FRMPD1: variants seen among roughly 807,000 people sequenced by gnomAD.
FRMPD1 encodes FERM and PDZ domain-containing protein 1.
A neutral mutation model predicts 117.8 loss-of-function variants in FRMPD1; 76 were observed. That is an observed-to-expected ratio of 0.65 (90% confidence interval 0.54 to 0.78). FRMPD1 has a LOEUF of 0.78. Ranked by LOEUF, FRMPD1 falls within the 30% of genes least tolerant of loss-of-function variation. The pLI is 0.00. For synonymous variants in FRMPD1, 783 were observed against 770.4 expected, an observed-to-expected ratio of 1.02 and a Z score of -0.27; for missense variants, 1,786 against 1,964.5, an observed-to-expected ratio of 0.91 and a Z score of 1.72.
the FRMPD1 span, among the ~76,000 whole-genome samples, chr9:37,640,833 G>A: frequency 3.3e-5 from 5 of 152,194 alleles, no homozygotes; most frequent in Non-Finnish European, 7.3e-5. Flanking sequence ...AACACATAAT[G>A]TCTTCAGTGG....
At chr9:37,607,869 C>T in the FRMPD1 span, among the ~76,000 whole-genome samples, 1 of 152,162 alleles carries the variant, frequency 6.6e-6, no homozygotes, top group Non-Finnish European at 1.5e-5. Flanking sequence ...TTCTACTTCC[C>T]CAACATAAAA....
chr9:37,717,207 T>G (rs1823155875), intron 5 of FRMPD1, among the ~76,000 whole-genome samples: 1 of 152,066 alleles, frequency 6.6e-6, no homozygotes, highest in Non-Finnish European at 1.5e-5. Flanking sequence ...TGATTGGCTC[T>G]GACTTGTTCT....
At chr9:37,626,867 G>T in the FRMPD1 span, among the ~76,000 whole-genome samples, 57 of 152,112 alleles carry the variant, frequency 3.7e-4, no homozygotes, top group Non-Finnish European at 5.9e-5. Flanking sequence ...GTGGGGCCAT[G>T]AAATATCTTT....
chr9:37,663,431 T>C (rs1272772516), intron 1 of FRMPD1, among the ~76,000 whole-genome samples: 1 of 152,176 alleles, frequency 6.6e-6, no homozygotes, highest in Non-Finnish European at 1.5e-5. Flanking sequence ...AGGCTTGAGC[T>C]AACTTTTCAG....
At chr9:37,735,851 A>C (rs1824096638) in intron 13 of FRMPD1, 117 bp downstream of exon 13, 2 of 685,810 alleles carry the variant, frequency 2.9e-6, no homozygotes, top group Non-Finnish European at 2.4e-6. Flanking sequence ...ATATCTGCTT[A>C]AGAGGACGAA....
At chr9:37,737,340 G>A (rs1377398770) in intron 14 of FRMPD1, 97 bp downstream of exon 14, 13 of 1,078,182 alleles carry the variant, frequency 1.2e-5, no homozygotes, top group Non-Finnish European at 1.7e-5. Context: ...GAATTGAGCC[G>A]AGGCTTCAGC....
chr9:37,615,979 G>GT, the FRMPD1 span, among the ~76,000 whole-genome samples: 17 of 151,706 alleles, frequency 1.1e-4, no homozygotes, highest in East Asian at 3.1e-3. Context: ...TGCCCAGCTT[G>GT]TTTTTTTGTG....
At chr9:37,709,184 C>G (rs1038599554) in intron 4 of FRMPD1, among the ~76,000 whole-genome samples, 1 of 151,914 alleles carries the variant, frequency 6.6e-6, no homozygotes, top group South Asian at 2.1e-4. Context: ...GCACATGAAG[C>G]TTTGGCTTTT....
chr9:37,680,772 A>G (rs1223109781), intron 1 of FRMPD1, among the ~76,000 whole-genome samples: 1 of 152,138 alleles, frequency 6.6e-6, no homozygotes, highest in Non-Finnish European at 1.5e-5. Flanking sequence ...TCCATGATAA[A>G]CCGCCTTTCA....
chr9:37,662,229 A>G lies in FRMPD1; in HGVS notation c.-5+11135A>G, dbSNP rs138501705. On this transcript the variant is annotated intron_variant, in intron 1 of 15. Coordinates refer to ENST00000377765, the MANE Select transcript of FRMPD1 (RefSeq NM_014907.3). ...GCAAGAGGAGTGAACCCAATCGCAC[A>G]ATAATAAACCCACTCCTGCAATAAC... 3.3e-3 allele frequency among the ~76,000 whole-genome samples: 508 copies of G among 152,300 alleles called. 7 individuals carry two copies. Among genetic ancestry groups the G allele is most frequent in the African/African-American group, 0.012 (486 of 41,544 alleles).
chr9:37,675,319 G>C (rs1191352302), intron 1 of FRMPD1, among the ~76,000 whole-genome samples: 1 of 152,014 alleles, frequency 6.6e-6, no homozygotes, highest in African/African-American at 2.4e-5. Flanking sequence ...TACTCGGGTG[G>C]CTGAGGCACA....
chr9:37,720,861 T>C (rs1231837133), intron 6 of FRMPD1, among the ~76,000 whole-genome samples: 2 of 152,242 alleles, frequency 1.3e-5, no homozygotes, highest in African/African-American at 4.8e-5. Flanking sequence ...CGCTTCAGCC[T>C]GGCGACAGAG....
At chr9:37,622,244 A>G in the FRMPD1 span, among the ~76,000 whole-genome samples, 4 of 152,188 alleles carry the variant, frequency 2.6e-5, no homozygotes, top group African/African-American at 9.6e-5. Flanking sequence ...GAGACGGTGA[A>G]TGTGAATGCA....
chr9:37,655,178 C>T (rs1346923061), intron 1 of FRMPD1, among the ~76,000 whole-genome samples: 1 of 152,210 alleles, frequency 6.6e-6, no homozygotes, highest in East Asian at 1.9e-4. Context: ...GTGCCTTCTC[C>T]CTTGTTCCCT....
rs146184892 is a variant in FRMPD1 at position 37,654,353 on chromosome 9, G to T, written c.-5+3259G>T. On this transcript the variant is annotated intron_variant, in intron 1 of 15. Transcript: ENST00000377765. Reference sequence around the variant, plus strand: ...CCACAGGAGAGAGGGAGCCAGTCTTGCCTGGAGCTGGGTGAGGGTCAGTGC... The same window carrying T: ...CCACAGGAGAGAGGGAGCCAGTCTTTCCTGGAGCTGGGTGAGGGTCAGTGC... 2.0e-5 allele frequency among the ~76,000 whole-genome samples: 3 copies of T among 152,212 alleles called. No homozygotes were observed. In the South Asian group the frequency reaches 6.2e-4, roughly 32 times the overall value.
In FRMPD1 at chr9:37,660,433, G is replaced by T. The variant is rs566800903; in HGVS notation, c.-5+9339G>T. ...TTGACCTCAGGTGGCCCCCTTCCTGGTCATCATCCGATGGAGCTGCACTGG... is the reference window on the plus strand; with the variant it reads ...TTGACCTCAGGTGGCCCCCTTCCTGTTCATCATCCGATGGAGCTGCACTGG... On this transcript the variant is annotated intron_variant, in intron 1 of 15. Transcript: ENST00000377765. 5.3e-5 allele frequency among the ~76,000 whole-genome samples: 8 copies of T among 152,244 alleles called. No homozygotes were observed. The South Asian group carries it at 1.7e-3, about 32-fold the overall frequency.
chr9:37,744,340 C>T, intron 15 of FRMPD1, 49 bp from the exon 16 acceptor site: 1 of 1,404,966 alleles, frequency 7.1e-7, no homozygotes, highest in Non-Finnish European at 9.7e-7. Context: ...GCTCTATTAA[C>T]CTCTTTTTTT....
At chr9:37,670,577 T>C (rs1346735605) in intron 1 of FRMPD1, among the ~76,000 whole-genome samples, 1 of 152,188 alleles carries the variant, frequency 6.6e-6, no homozygotes, top group Non-Finnish European at 1.5e-5. Context: ...TGAAGATGAT[T>C]AGAAAGAAAT....
intron 6 of FRMPD1, among the ~76,000 whole-genome samples, chr9:37,723,377 C>T (rs1205237920): frequency 2.6e-5 from 4 of 152,338 alleles, no homozygotes; most frequent in African/African-American, 2.4e-5. Flanking sequence ...TCTTCTCCAC[C>T]GTTTGTCGTA....
Sources: allele counts gnomAD v4.1 joint callset (sites outside exome capture counted in the v4.1 genomes callset), GRCh38; gene constraint gnomAD v4.1.1; transcripts MANE v1.5; gene names NCBI Gene and HGNC (gene_info 2026-07-23, HGNC 2026-07-21).